EYS: variants seen among roughly 807,000 people sequenced by gnomAD.
EYS encodes EGF-like photoreceptor maintenance factor.
Under a neutral mutation model 282.1 loss-of-function variants are expected in EYS, and 250 were observed. The ratio of observed to expected loss-of-function variants is 0.89; its 90% CI spans 0.80 to 0.98. The LOEUF (loss-of-function observed/expected upper bound fraction) is 0.98, where lower values mean the gene tolerates loss of function less well. Among genes scored for constraint, EYS ranks in the 50% least tolerant of loss-of-function variants. EYS has a pLI of 0.00. For missense variants in EYS, 4,016 were observed against 3,709.0 expected (o/e 1.08, Z -2.15); for synonymous variants, 1,355 against 1,282.9 (o/e 1.06, Z -1.20).
chr6:64,977,722 C>T (rs1448217488), intron 14 of EYS, among the ~76,000 whole-genome samples: 2 of 148,664 alleles, frequency 1.3e-5, no homozygotes, highest in African/African-American at 2.5e-5. Flanking sequence ...AGTGAACATG[C>T]AAATTGTAGG....
intron 22 of EYS, among the ~76,000 whole-genome samples, chr6:64,627,411 G>A (rs903600339): frequency 6.6e-6 from 1 of 152,092 alleles, no homozygotes; most frequent in African/African-American, 2.4e-5. Flanking sequence ...CACAGTCTGG[G>A]GTGATGCTGA....
intron 26 of EYS, among the ~76,000 whole-genome samples, chr6:64,442,298 T>A (rs1056201988): frequency 6.6e-6 from 1 of 152,020 alleles, no homozygotes. Flanking sequence ...GCAGAAAAAA[T>A]TTCTAAGCAG....
Position 63,721,857 on chromosome 6 carries a change from T to C in EYS, c.8234-60A>G, listed in dbSNP as rs538072357. ...CAGTAAAAGTTTCCATTGAAAACTTTTGCTGTTTCTGGCCAAGTTGGATAA... is the reference window on the plus strand; with the variant it reads ...CAGTAAAAGTTTCCATTGAAAACTTCTGCTGTTTCTGGCCAAGTTGGATAA... On this transcript the variant is annotated intron_variant, in intron 42 of 42. Transcript: ENST00000503581. The C allele has an allele frequency of 3.9e-5, 57 of 1,466,210 alleles. No individual in the cohort carries two copies. In the East Asian group the frequency reaches 1.1e-3, roughly 28 times the overall value. The allele number at this position is 1,466,210 out of a possible 1,614,324, so 90.8% of individuals were successfully genotyped here.
At chr6:65,432,310 A>G (rs1400050211) in intron 5 of EYS, among the ~76,000 whole-genome samples, 2 of 152,198 alleles carry the variant, frequency 1.3e-5, no homozygotes, top group Non-Finnish European at 2.9e-5. Flanking sequence ...ACAGATAACC[A>G]TATATCACCT....
At chr6:65,091,175 T>A (rs1016808505) in intron 12 of EYS, among the ~76,000 whole-genome samples, 4 of 150,384 alleles carry the variant, frequency 2.7e-5, no homozygotes, top group African/African-American at 9.8e-5. Context: ...GGCTTAAGCC[T>A]GTAATCCTAG....
chr6:65,632,249 T>A (rs181878474), intron 2 of EYS, among the ~76,000 whole-genome samples: 2 of 152,304 alleles, frequency 1.3e-5, no homozygotes, highest in Admixed American at 1.3e-4. Flanking sequence ...CTTATCTGGA[T>A]GCTTTATAGG....
chr6:65,263,703 C>CTGTGTGTGTG (rs3042394), intron 12 of EYS, among the ~76,000 whole-genome samples: 1,502 of 141,398 alleles, frequency 0.011, 13 homozygotes, highest in African/African-American at 0.029. Context: ...CAAGGCAAAG[C>CTGTGTGTGTG]TGTGTGTGTG....
At chr6:64,524,129 A>G (rs1298745264) in intron 26 of EYS, among the ~76,000 whole-genome samples, 2 of 151,748 alleles carry the variant, frequency 1.3e-5, no homozygotes, top group Admixed American at 6.6e-5. Flanking sequence ...CTAATAACTT[A>G]TCTTCTTTCA....
At chr6:64,688,876 C>CA (rs1247117547) in intron 22 of EYS, among the ~76,000 whole-genome samples, 1 of 152,028 alleles carries the variant, frequency 6.6e-6, no homozygotes, top group Non-Finnish European at 1.5e-5. Flanking sequence ...ACTGAATGGA[C>CA]AAAAACTGGA....
intron 28 of EYS, among the ~76,000 whole-genome samples, chr6:64,424,526 C>CCA (rs1340394871): frequency 6.6e-6 from 1 of 152,120 alleles, no homozygotes; most frequent in Non-Finnish European, 1.5e-5. Context: ...TATGGCTGCA[C>CCA]CAAACTGCAT....
chr6:63,940,019 C>A (rs758733857), intron 35 of EYS, among the ~76,000 whole-genome samples: 1 of 152,138 alleles, frequency 6.6e-6, no homozygotes, highest in Non-Finnish European at 1.5e-5. Context: ...ACTTAAAATG[C>A]GATGTGACCT....
At chr6:65,221,650 C>A (rs189203598) in intron 12 of EYS, among the ~76,000 whole-genome samples, 4 of 152,048 alleles carry the variant, frequency 2.6e-5, no homozygotes, top group Non-Finnish European at 5.9e-5. Flanking sequence ...GAGTTGGAGC[C>A]CCCACACAGA....
chr6:65,508,298 T>C (rs1251429468), intron 2 of EYS, among the ~76,000 whole-genome samples: 1 of 152,108 alleles, frequency 6.6e-6, no homozygotes, highest in East Asian at 1.9e-4. Context: ...GGAAATGATA[T>C]AATCTATGAT....
At chr6:65,284,143 T>C (rs550771922) in intron 12 of EYS, among the ~76,000 whole-genome samples, 1 of 152,256 alleles carries the variant, frequency 6.6e-6, no homozygotes, top group East Asian at 1.9e-4. Context: ...TTAGCCTCTG[T>C]TCTGTTGCTA....
At chr6:65,622,908 C>T (rs1462074321) in intron 2 of EYS, among the ~76,000 whole-genome samples, 1 of 152,040 alleles carries the variant, frequency 6.6e-6, no homozygotes, top group Non-Finnish European at 1.5e-5. Context: ...TAAGCATGCA[C>T]AACACCACCC....
chr6:65,178,427 G>A (rs1220206537), intron 12 of EYS, among the ~76,000 whole-genome samples: 1 of 151,894 alleles, frequency 6.6e-6, no homozygotes, highest in African/African-American at 2.4e-5. Flanking sequence ...GGGGGGTGGA[G>A]ACAAGATGGA....
intron 27 of EYS, among the ~76,000 whole-genome samples, chr6:64,436,851 T>C (rs1368640048): frequency 6.6e-6 from 1 of 151,832 alleles, no homozygotes; most frequent in Non-Finnish European, 1.5e-5. Flanking sequence ...ATGTGCTACA[T>C]TGGCTTATTA....
intron 34 of EYS, among the ~76,000 whole-genome samples, chr6:63,987,861 T>G (rs895417584): frequency 1.3e-5 from 2 of 151,634 alleles, no homozygotes. Flanking sequence ...GCTGTTTTCA[T>G]GTGGATGTAC....
intron 29 of EYS, among the ~76,000 whole-genome samples, chr6:64,358,606 TG>T (rs1771908621): frequency 6.6e-6 from 1 of 151,618 alleles, no homozygotes; most frequent in Non-Finnish European, 1.5e-5. Context: ...GCTGGACTAT[TG>T]GAAGTTGGCT....
Sources: gnomAD v4.1 joint callset for allele counts (sites outside exome capture counted in the v4.1 genomes callset) on GRCh38, gnomAD v4.1.1 for gene constraint, MANE v1.5 for transcripts, NCBI Gene and HGNC (gene_info 2026-07-23, HGNC 2026-07-21) for gene names.